ITFG1: variants seen among roughly 807,000 people sequenced by gnomAD.
The protein encoded by ITFG1 is T-cell immunomodulatory protein.
In ITFG1, 34 loss-of-function variants were observed where a neutral mutation model predicts 81.8. That is an observed-to-expected ratio of 0.42 (90% CI 0.32 to 0.55). The LOEUF (loss-of-function observed/expected upper bound fraction) is 0.55. Among genes scored for constraint, ITFG1 ranks in the 20% least tolerant of loss-of-function variants. ITFG1 has a pLI of 0.17. For missense variants in ITFG1, 672 were observed against 755.4 expected (o/e 0.89, Z 1.29); for synonymous variants, 285 against 270.6 (o/e 1.05, Z -0.52).
intron 6 of ITFG1, chr16:47,426,189 T>C (rs957974151): frequency 1.3e-5 from 2 of 152,148 alleles, no homozygotes; most frequent in Non-Finnish European, 2.9e-5. Context: ...TTTGCATGTC[T>C]AGGAAAGACT....
intron 14 of ITFG1, chr16:47,162,866 G>A: frequency 2.4e-6 from 1 of 420,874 alleles, no homozygotes; most frequent in Non-Finnish European, 4.3e-6. Context: ...CACCTAGGCT[G>A]CAGTGCAGTA....
chr16:47,284,056 A>G (rs1416159668), intron 10 of ITFG1, among the ~76,000 whole-genome samples: 1 of 152,244 alleles, frequency 6.6e-6, no homozygotes, highest in Non-Finnish European at 1.5e-5. Flanking sequence ...AAATCTGTAG[A>G]GACAGAAAAT....
At chr16:47,326,093 G>A (rs151136423) in intron 8 of ITFG1, among the ~76,000 whole-genome samples, 1,552 of 152,234 alleles carry the variant, frequency 0.01, 14 homozygotes, top group Non-Finnish European at 0.017. Flanking sequence ...CTGGCAAACC[G>A]AATCCAGCAA....
chr16:47,325,423 G>A (rs1967520927), intron 8 of ITFG1, among the ~76,000 whole-genome samples: 1 of 152,082 alleles, frequency 6.6e-6, no homozygotes, highest in East Asian at 1.9e-4. Flanking sequence ...AACTAGAGAA[G>A]CAAAGCAAAC....
intron 10 of ITFG1, among the ~76,000 whole-genome samples, chr16:47,275,215 T>C (rs1315691955): frequency 1.3e-5 from 2 of 152,138 alleles, no homozygotes; most frequent in African/African-American, 2.4e-5. Context: ...ACATTGAATG[T>C]CTACTTCCTG....
At chr16:47,354,666 A>G (rs1310971573) in intron 8 of ITFG1, among the ~76,000 whole-genome samples, 2 of 152,152 alleles carry the variant, frequency 1.3e-5, no homozygotes, top group Admixed American at 1.3e-4. Flanking sequence ...CAGTGTTAAT[A>G]TAAGAATTAA....
At chr16:47,298,177 T>C (rs1207982792) in intron 10 of ITFG1, among the ~76,000 whole-genome samples, 2 of 152,208 alleles carry the variant, frequency 1.3e-5, no homozygotes, top group Non-Finnish European at 2.9e-5. Flanking sequence ...TTTTTAGAAA[T>C]AATGATATCC....
intron 10 of ITFG1, chr16:47,263,268 GCT>G: frequency 2.6e-6 from 1 of 391,368 alleles, no homozygotes; most frequent in Non-Finnish European, 5.2e-6. Flanking sequence ...GTAGGTTCTT[GCT>G]CTGTGTATGC....
intron 7 of ITFG1, 119 bp from the exon 8 acceptor site, chr16:47,365,988 A>G (rs921382388): frequency 1.8e-6 from 1 of 567,046 alleles, no homozygotes; most frequent in Non-Finnish European, 3.2e-6. Context: ...GTTGTATTGC[A>G]CAAAAATTAT....
At chr16:47,361,413 ATAATT>A (rs1968107565) in intron 8 of ITFG1, among the ~76,000 whole-genome samples, 4 of 152,160 alleles carry the variant, frequency 2.6e-5, no homozygotes. Context: ...TTTGTCCTAT[ATAATT>A]TAATAAGAGA....
chr16:47,411,388 A>G (rs1968808810), intron 6 of ITFG1, among the ~76,000 whole-genome samples: 1 of 152,092 alleles, frequency 6.6e-6, no homozygotes, highest in African/African-American at 2.4e-5. Context: ...TGGGGCAGAT[A>G]CCGGGGAGGC....
chr16:47,448,488 T>C (rs1567504078), intron 5 of ITFG1: 1 of 152,144 alleles, frequency 6.6e-6, no homozygotes, highest in Non-Finnish European at 1.5e-5. Context: ...CGATCACTTG[T>C]GATGTAAACA....
chr16:47,423,615 T>A (rs1968980214), intron 6 of ITFG1, among the ~76,000 whole-genome samples: 1 of 152,186 alleles, frequency 6.6e-6, no homozygotes, highest in Admixed American at 6.5e-5. Context: ...GGAGCTCCTG[T>A]AAGGCAGGCC....
intron 13 of ITFG1, among the ~76,000 whole-genome samples, chr16:47,221,139 A>G (rs1245013658): frequency 6.6e-6 from 1 of 151,866 alleles, no homozygotes; most frequent in Non-Finnish European, 1.5e-5. Context: ...TCACTATATG[A>G]CCTTTTCGGA....
chr16:47,421,292 ACACACACACACACATACAT>A (rs1968944665), intron 6 of ITFG1, among the ~76,000 whole-genome samples: 1 of 149,404 alleles, frequency 6.7e-6, no homozygotes, highest in African/African-American at 2.6e-5. Flanking sequence ...ACACACACAC[ACACACACACACACATACAT>A]ATTTTTTTTT....
chr16:47,423,402 T>A (rs1256636358), intron 6 of ITFG1, among the ~76,000 whole-genome samples: 2 of 152,306 alleles, frequency 1.3e-5, no homozygotes, highest in African/African-American at 2.4e-5. Context: ...CCAGTCTGTG[T>A]CTTTAAACTG....
chr16:47,183,595 A>G (rs1965164756), intron 14 of ITFG1, among the ~76,000 whole-genome samples: 1 of 152,160 alleles, frequency 6.6e-6, no homozygotes, highest in Non-Finnish European at 1.5e-5. Flanking sequence ...TAGAAGGAAA[A>G]CTAACAAACA....
chr16:47,378,301 T>C (rs1472350324), intron 6 of ITFG1, among the ~76,000 whole-genome samples: 1 of 152,220 alleles, frequency 6.6e-6, no homozygotes, highest in Non-Finnish European at 1.5e-5. Context: ...AGACATGTTT[T>C]CAACAAGAAA....
intron 14 of ITFG1, among the ~76,000 whole-genome samples, chr16:47,211,925 C>T (rs1965566629): frequency 6.6e-6 from 1 of 151,004 alleles, no homozygotes; most frequent in Admixed American, 6.6e-5. Context: ...AATTTTTTTT[C>T]TTTCTTTTTT....
Sources: gnomAD v4.1 joint callset for allele counts (sites outside exome capture counted in the v4.1 genomes callset) on GRCh38, gnomAD v4.1.1 for gene constraint, MANE v1.5 for transcripts, NCBI Gene and HGNC (gene_info 2026-07-23, HGNC 2026-07-21) for gene names.